GLMN: variants seen among roughly 807,000 people sequenced by gnomAD.
GLMN encodes the protein glomulin, FKBP associated protein, also known as glomulin.
GLMN carries 75 observed loss-of-function variants against 87.8 expected under a neutral mutation model. The ratio of observed to expected loss-of-function variants is 0.85; its 90% confidence interval spans 0.71 to 1.04. The LOEUF (loss-of-function observed/expected upper bound fraction) is 1.04. GLMN is among the 50% of genes least tolerant of loss of function. GLMN has a pLI of 0.00. For missense variants in GLMN, 588 were observed against 658.8 expected (o/e 0.89, Z 1.18); for synonymous variants, 206 against 221.6 (o/e 0.93, Z 0.63).
chr1:92,284,428 C>G (rs982030442), intron 7 of GLMN, among the ~76,000 whole-genome samples: 1 of 152,130 alleles, frequency 6.6e-6, no homozygotes, highest in African/African-American at 2.4e-5. Flanking sequence ...ATGTAGAAAG[C>G]TGAAACTGGA....
intron 3 of GLMN, among the ~76,000 whole-genome samples, chr1:92,292,179 C>T (rs1467249564): frequency 1.3e-5 from 2 of 152,182 alleles, no homozygotes; most frequent in Admixed American, 6.5e-5. Flanking sequence ...CAAGCCTACA[C>T]TATAATATTC....
chr1:92,335,111 T>C, the GLMN span, among the ~76,000 whole-genome samples: 1 of 152,178 alleles, frequency 6.6e-6, no homozygotes, highest in African/African-American at 2.4e-5. Context: ...TGCTCGTGAT[T>C]AAACTGTTCT....
chr1:92,339,296 C>T, the GLMN span, among the ~76,000 whole-genome samples: 1 of 151,942 alleles, frequency 6.6e-6, no homozygotes, highest in South Asian at 2.1e-4. Context: ...TTAAAAATTG[C>T]CACCTGGGTC....
At chr1:92,334,150 G>T in the GLMN span, among the ~76,000 whole-genome samples, 1 of 152,020 alleles carries the variant, frequency 6.6e-6, no homozygotes, top group Non-Finnish European at 1.5e-5. Flanking sequence ...ATTATTTAAG[G>T]GTTGTGAATA....
chr1:92,309,711 G>A, the GLMN span, among the ~76,000 whole-genome samples: 1 of 152,130 alleles, frequency 6.6e-6, no homozygotes, highest in African/African-American at 2.4e-5. Context: ...GACTTTAATG[G>A]GGACCTGTCC....
At chr1:92,299,683 C>A (rs1650658334), upstream of GLMN, among the ~76,000 whole-genome samples, 1 of 152,152 alleles carries the variant, frequency 6.6e-6, no homozygotes, top group Non-Finnish European at 1.5e-5. Flanking sequence ...TACATTTTAA[C>A]CAAGAAAAAT....
At chr1:92,312,760 G>A in the GLMN span, among the ~76,000 whole-genome samples, 1 of 151,400 alleles carries the variant, frequency 6.6e-6, no homozygotes, top group Non-Finnish European at 1.5e-5. Flanking sequence ...CTTCTTCCAA[G>A]CACTTGTTAA....
At chr1:92,343,669 T>A in the GLMN span, among the ~76,000 whole-genome samples, 2 of 152,230 alleles carry the variant, frequency 1.3e-5, no homozygotes, top group East Asian at 3.8e-4. Flanking sequence ...CAGCCACTTG[T>A]TCTGTAAACT....
At chr1:92,337,148 A>T in the GLMN span, among the ~76,000 whole-genome samples, 3 of 152,280 alleles carry the variant, frequency 2.0e-5, no homozygotes, top group Non-Finnish European at 4.4e-5. Flanking sequence ...TTGCACTGAC[A>T]CAGAATAAAC....
intron 2 of GLMN, 128 bp from the exon 3 acceptor site, chr1:92,297,657 G>T: frequency 1.2e-6 from 1 of 829,542 alleles, no homozygotes; most frequent in Non-Finnish European, 1.9e-6. Context: ...TAAATGTAAC[G>T]TAAATAACAC....
the GLMN span, among the ~76,000 whole-genome samples, chr1:92,344,986 G>A: frequency 6.6e-5 from 10 of 152,008 alleles, no homozygotes; most frequent in African/African-American, 2.2e-4. Context: ...GAGAATCTAA[G>A]ATGACTACAG....
chr1:92,356,997 C>G, the GLMN span, among the ~76,000 whole-genome samples: 86 of 151,344 alleles, frequency 5.7e-4, no homozygotes, highest in South Asian at 2.3e-3. Context: ...ACTCAGGAAG[C>G]AGAGGTTGCA....
intron 16 of GLMN, among the ~76,000 whole-genome samples, chr1:92,261,822 C>CAGAGTGATAGACAGAGGGT (rs1557521873): frequency 1.3e-5 from 2 of 150,340 alleles, no homozygotes; most frequent in East Asian, 2.0e-4. Flanking sequence ...AATAGACTGA[C>CAGAGTGATAGACAGAGGGT]GGAGTGATAG....
intron 7 of GLMN, among the ~76,000 whole-genome samples, chr1:92,275,711 C>T (rs569654309): frequency 2.0e-5 from 3 of 152,340 alleles, no homozygotes; most frequent in East Asian, 1.9e-4. Context: ...TGCCATCTTA[C>T]TTCCTAAATC....
At chr1:92,255,970 G>A (rs1654179735) in intron 16 of GLMN, among the ~76,000 whole-genome samples, 1 of 152,130 alleles carries the variant, frequency 6.6e-6, no homozygotes, top group Non-Finnish European at 1.5e-5. Flanking sequence ...AGTGAATCCA[G>A]AAGCTGCTTT....
intron 1 of GLMN, among the ~76,000 whole-genome samples, chr1:92,298,427 A>C (rs1317402191): frequency 6.6e-6 from 1 of 152,198 alleles, no homozygotes; most frequent in Non-Finnish European, 1.5e-5. Context: ...AATTTCCAAA[A>C]GGTGGACCTG....
chr1:92,302,780 T>G (rs1650956053), upstream of GLMN, among the ~76,000 whole-genome samples: 1 of 151,818 alleles, frequency 6.6e-6, no homozygotes, highest in Non-Finnish European at 1.5e-5. Flanking sequence ...TTTTGTATTT[T>G]TAGTAGAGAT....
chr1:92,340,214 T>TA, the GLMN span, among the ~76,000 whole-genome samples: 2 of 152,212 alleles, frequency 1.3e-5, 1 homozygote, highest in African/African-American at 4.8e-5. Flanking sequence ...GTAGCTTTGA[T>TA]AAAAATTGCT....
the GLMN span, chr1:92,336,290 C>A: frequency 8.2e-7 from 1 of 1,216,824 alleles, no homozygotes; most frequent in Non-Finnish European, 1.2e-6. Context: ...AGGCATGACC[C>A]AAAAAAAGTT....
Sources: allele counts gnomAD v4.1 joint callset (sites outside exome capture counted in the v4.1 genomes callset), GRCh38; gene constraint gnomAD v4.1.1; transcripts MANE v1.5; gene names NCBI Gene and HGNC (gene_info 2026-07-23, HGNC 2026-07-21).